COG2: variants seen among roughly 807,000 people sequenced by gnomAD.
COG2 encodes the protein conserved oligomeric Golgi complex subunit 2.
Under a neutral mutation model 90.6 loss-of-function variants are expected in COG2, and 52 were observed. The observed-to-expected ratio is 0.57, with a 90% CI of 0.46 to 0.72. COG2 has a LOEUF of 0.72. Ranked by LOEUF, COG2 falls within the 30% of genes least tolerant of loss-of-function variation. The pLI, the probability that COG2 is intolerant of heterozygous loss-of-function variation, is 0.00. For synonymous variants in COG2, 337 were observed against 320.4 expected (o/e 1.05, Z -0.55); for missense variants, 829 against 891.2 (o/e 0.93, Z 0.89).
intron 1 of COG2, among the ~76,000 whole-genome samples, chr1:230,644,880 G>A (rs893692592): frequency 1.3e-5 from 2 of 152,164 alleles, no homozygotes; most frequent in Admixed American, 6.5e-5. Context: ...AGTTATTTCA[G>A]TGGTTTTTAT....
intron 1 of COG2, 113 bp from the exon 2 acceptor site, chr1:230,659,351 C>A: frequency 1.2e-6 from 1 of 840,446 alleles, no homozygotes; most frequent in Non-Finnish European, 2.0e-6. Context: ...CCTGCAGCAG[C>A]ATGGCCTTGT....
At chr1:230,644,755 G>A (rs149542201) in intron 1 of COG2, among the ~76,000 whole-genome samples, 15 of 152,264 alleles carry the variant, frequency 9.9e-5, no homozygotes, top group African/African-American at 1.4e-4. Context: ...CTGTACTGAC[G>A]GATTTGCACT....
chr1:230,652,364 A>G (rs922051952), intron 1 of COG2, among the ~76,000 whole-genome samples: 9 of 152,158 alleles, frequency 5.9e-5, no homozygotes, highest in African/African-American at 2.2e-4. Flanking sequence ...AGATTCCTCC[A>G]TGTCTTTGTG....
intron 1 of COG2, among the ~76,000 whole-genome samples, chr1:230,658,067 G>A (rs1662106028): frequency 6.6e-6 from 1 of 151,812 alleles, no homozygotes; most frequent in African/African-American, 2.4e-5. Flanking sequence ...GCCTGCTTCT[G>A]TCAATTTGTC....
chr1:230,662,189 A>C (rs1480698565), intron 3 of COG2, among the ~76,000 whole-genome samples: 1 of 151,924 alleles, frequency 6.6e-6, no homozygotes, highest in Non-Finnish European at 1.5e-5. Context: ...CCCTCCTTCC[A>C]CAGCTGTCTC....
intron 1 of COG2, among the ~76,000 whole-genome samples, chr1:230,650,057 C>T (rs1244413710): frequency 6.6e-6 from 1 of 152,186 alleles, no homozygotes; most frequent in Non-Finnish European, 1.5e-5. Flanking sequence ...ATGATTTCAT[C>T]TTTTTAAGGC....
chr1:230,675,441 G>C (rs1662566610), intron 9 of COG2, among the ~76,000 whole-genome samples: 1 of 152,030 alleles, frequency 6.6e-6, no homozygotes, highest in Non-Finnish European at 1.5e-5. Flanking sequence ...TGTTTTTGCA[G>C]TTTTCTGTGA....
At chr1:230,665,004 A>G (rs1313941974) in intron 5 of COG2, among the ~76,000 whole-genome samples, 1 of 152,250 alleles carries the variant, frequency 6.6e-6, no homozygotes, top group African/African-American at 2.4e-5. Flanking sequence ...AGTACAGGAC[A>G]TATTTCACTG....
intron 8 of COG2, among the ~76,000 whole-genome samples, chr1:230,674,732 A>G (rs2102762317): frequency 6.6e-6 from 1 of 152,286 alleles, no homozygotes; most frequent in Non-Finnish European, 1.5e-5. Context: ...AAGTGTACCA[A>G]GGTGATTTTA....
At position 230,664,513 on chromosome 1, in the gene COG2, T is replaced by A. The variant is rs1662268461; in HGVS notation, c.411T>A (p.Ile137=). The change falls in exon 5 of 18, where the codon ATT becomes ATA. Residue 137 remains isoleucine, a synonymous_variant. Coordinates refer to ENST00000366669, the MANE Select transcript of COG2 (RefSeq NM_007357.3). The part of the protein sequence containing the change: ...KMCVLRLIQV[I]RSVEKIEKIL... ...GTGTATTGAGGCTTATACAAGTTAT[T>A]CGGTCAGTTGAGAAAATTGAAAAAA... 2 of 1,566,370 alleles carry A rather than the reference T, an allele frequency of 1.3e-6. No individual in the cohort carries two copies. Among genetic ancestry groups the A allele is most frequent in the East Asian group, 4.5e-5 (2 of 44,186 alleles).
intron 6 of COG2, 41 bp from the exon 7 acceptor site, chr1:230,669,315 C>A (rs761750917): frequency 3.4e-5 from 53 of 1,574,082 alleles, no homozygotes; most frequent in African/African-American, 4.1e-5. Context: ...GAAACTGTTA[C>A]AACTAGAGCT....
chr1:230,649,983 C>T lies in COG2; in HGVS notation c.72+7305C>T, dbSNP rs551319308. Reference sequence around the variant, plus strand: ...GGGAGATGATGTGGTATTTGACTTTCTGTTTCGGAGTTAGTTCATTTAGGA... The same window carrying T: ...GGGAGATGATGTGGTATTTGACTTTTTGTTTCGGAGTTAGTTCATTTAGGA... On this transcript the variant is annotated intron_variant, in intron 1 of 17. Transcript: ENST00000366669. Among the ~76,000 whole-genome samples the T allele has an allele frequency of 8.5e-5, 13 of 152,282 alleles. No homozygotes were observed. The South Asian group carries it at 2.5e-3, about 29-fold the overall frequency.
At chr1:230,682,758 G>A (rs529193165) in intron 10 of COG2, 1 of 152,294 alleles carries the variant, frequency 6.6e-6, no homozygotes, top group Admixed American at 6.5e-5. Flanking sequence ...TTACTAGTAA[G>A]GCAATTAGCA....
At chr1:230,659,823 A>G (rs140370089) in intron 2 of COG2, among the ~76,000 whole-genome samples, 198 bp downstream of exon 2, 97 of 152,332 alleles carry the variant, frequency 6.4e-4, no homozygotes, top group Admixed American at 1.9e-3. Flanking sequence ...AGACTATTCT[A>G]AATTAAATAT....
At chr1:230,662,593 T>G (rs1289108428) in intron 3 of COG2, among the ~76,000 whole-genome samples, 1 of 152,210 alleles carries the variant, frequency 6.6e-6, no homozygotes, top group Non-Finnish European at 1.5e-5. Context: ...TCATGATATA[T>G]TAGTACTTAA....
At position 230,658,878 on chromosome 1, in the gene COG2, A is replaced by G. The variant is rs1662121732; in HGVS notation, c.73-586A>G. Among the ~76,000 whole-genome samples the G allele has an allele frequency of 2.0e-5, 3 of 152,312 alleles. No homozygotes were observed. The South Asian group carries it at 6.2e-4, about 32-fold the overall frequency. The stretch of plus-strand genomic sequence containing the variant: ...ATATAAAACATGAGTGCAAATTTAC[A>G]TGGATTATGAAAAGACATCCAAGTT... On this transcript the variant is annotated intron_variant, in intron 1 of 17. Transcript: ENST00000366669.
chr1:230,659,801 C>CT (rs1327871031), intron 2 of COG2, among the ~76,000 whole-genome samples, 176 bp downstream of exon 2: 2 of 152,050 alleles, frequency 1.3e-5, no homozygotes, highest in African/African-American at 4.8e-5. Context: ...TACAATTTTG[C>CT]TTTTTTACTT....
intron 9 of COG2, chr1:230,677,947 C>CTG (rs1447273682): frequency 2.2e-6 from 2 of 897,104 alleles, no homozygotes; most frequent in Admixed American, 1.2e-4. Context: ...TGTCTCAACT[C>CTG]CACACACCTA....
At chr1:230,671,813 G>A (rs886541304) in intron 8 of COG2, among the ~76,000 whole-genome samples, 173 bp downstream of exon 8, 1 of 152,144 alleles carries the variant, frequency 6.6e-6, no homozygotes, top group Non-Finnish European at 1.5e-5. Flanking sequence ...GATTCCATTA[G>A]CCTCATTTCA....
Sources: allele counts gnomAD v4.1 joint callset (sites outside exome capture counted in the v4.1 genomes callset), GRCh38; gene constraint gnomAD v4.1.1; transcripts MANE v1.5; gene names NCBI Gene and HGNC (gene_info 2026-07-23, HGNC 2026-07-21).